Variants in PLXNA1 observed in about 807,000 individuals in gnomAD.
The protein encoded by PLXNA1 is plexin-A1.
Under a neutral mutation model 191.7 loss-of-function variants are expected in PLXNA1, and 77 were observed. That is an observed-to-expected ratio of 0.40 (90% CI 0.33 to 0.49). The LOEUF is 0.49. PLXNA1 is among the 20% of genes least tolerant of loss of function. The pLI, the probability that PLXNA1 is intolerant of heterozygous loss-of-function variation, is 0.63. For synonymous variants in PLXNA1, 1,137 were observed against 1,156.4 expected (o/e 0.98, Z 0.34); for missense variants, 2,110 against 2,660.2 (o/e 0.79, Z 4.55).
Position 127,012,091 on chromosome 3 carries a change from C to T in PLXNA1, c.2246C>T (p.Pro749Leu), listed in dbSNP as rs1258547002. 19 of 1,613,484 alleles carry T rather than the reference C, an allele frequency of 1.2e-5. No individual in the cohort carries two copies. The highest frequency in any genetic ancestry group is 3.3e-5 in the South Asian group (3 of 91,086). The part of the protein sequence containing the change: ...QRGYECLFHI[P>L]GSPARVTALR... ...GGATATGAGTGCCTCTTCCACATCC[C>T]GGGCAGCCCGGCCCGTGTCACCGCC... The change falls in exon 10 of 32, where the codon CCG becomes CTG. Residue 749 changes from proline (P) to leucine (L), a missense_variant. Physicochemically the swap from Pro to Leu is moderately conservative, Grantham distance 98. Coordinates refer to ENST00000393409, the MANE Select transcript of PLXNA1 (RefSeq NM_032242.4).
chr3:127,008,822 C>T (rs148006243), intron 9 of PLXNA1, among the ~76,000 whole-genome samples: 3 of 152,264 alleles, frequency 2.0e-5, no homozygotes, highest in South Asian at 2.1e-4. Context: ...TGGCCCCCAG[C>T]GTCACCCTCT....
chr3:127,007,221 G>T (rs566867210), intron 8 of PLXNA1, among the ~76,000 whole-genome samples: 1 of 152,146 alleles, frequency 6.6e-6, no homozygotes, highest in African/African-American at 2.4e-5. Context: ...AGATGGCAAG[G>T]TGCCAGCCCT....
At chr3:127,021,642 A>T (rs2079152632) in intron 21 of PLXNA1, among the ~76,000 whole-genome samples, 1 of 152,136 alleles carries the variant, frequency 6.6e-6, no homozygotes, top group African/African-American at 2.4e-5. Flanking sequence ...CACTCCTGGT[A>T]CCCAGTGGAT....
chr3:127,008,703 C>T (rs144799806), intron 9 of PLXNA1, among the ~76,000 whole-genome samples: 10 of 152,168 alleles, frequency 6.6e-5, no homozygotes, highest in Non-Finnish European at 5.9e-5. Flanking sequence ...GCCAGGGAGA[C>T]CTTGGAGGCT....
rs1385645160 is a variant in PLXNA1, at chr3:127,014,324, G to T, written c.2553G>T (p.Trp851Cys). The part of the protein sequence containing the change: ...HHCAADTPAS[W>C]MHARHGSSRC... ...GCGCTGCCGACACACCTGCATCGTG[G>T]ATGCACGCGCGTCACGGCAGCAGTC... Residue 851 changes from tryptophan (W) to cysteine (C), a missense_variant, in exon 12 of 32, where the codon TGG becomes TGT. By Grantham distance (215) the Trp-to-Cys change is radical (BLOSUM62 -2). Around this residue, in one of 4 missense-constraint regions of PLXNA1, gnomAD observed 644 missense variants for 714.3 expected, o/e 0.90. Transcript: ENST00000393409. The T allele has an allele frequency of 6.3e-7, 1 of 1,597,528 alleles. No homozygotes were observed. Among genetic ancestry groups the T allele is most frequent in the Admixed American group, 1.7e-5 (1 of 59,360 alleles).
At chr3:127,011,912 C>G (rs369065493) in intron 9 of PLXNA1, 46 bp from the exon 10 acceptor site, 3 of 1,566,272 alleles carry the variant, frequency 1.9e-6, no homozygotes, top group East Asian at 2.3e-5. Context: ...GCACCTTGCT[C>G]ACTGGTCTCC....
chr3:127,006,653 A>G (rs908293384), intron 8 of PLXNA1, among the ~76,000 whole-genome samples: 1 of 152,228 alleles, frequency 6.6e-6, no homozygotes, highest in Middle Eastern at 3.4e-3. Context: ...GCCCCTGGGT[A>G]CCTGCTGCTT....
rs1201771538 is a variant in PLXNA1, at chr3:127,035,138, AC to A, written c.*1122del. ...CCTGGATCTATCTGGGCCATGAGTG[AC>A]GGGCAGTGACCAGAGGGACTGGAGG... is the stretch of plus-strand genomic sequence containing the variant. On this transcript the variant is annotated 3_prime_UTR_variant, in exon 32 of 32. Transcript: ENST00000393409. 1 of 152,198 alleles carries A rather than the reference AC, an allele frequency of 6.6e-6. No individual in the cohort carries two copies. Among genetic ancestry groups the A allele is most frequent in the East Asian group, 1.9e-4 (1 of 5,176 alleles). 9.4% of individuals were successfully genotyped at this position (152,198 alleles called of 1,614,324 possible). A position where few individuals can be genotyped will look rare whatever the true frequency, so the allele number is the denominator to read the frequency against.
chr3:127,028,136 C>T, intron 24 of PLXNA1, 45 bp from the exon 25 acceptor site: 1 of 1,613,050 alleles, frequency 6.2e-7, no homozygotes, highest in Non-Finnish European at 8.5e-7. Flanking sequence ...CCCCACCCCC[C>T]AGTTGTGGGG....
rs1396875238 is a variant in PLXNA1 at position 126,989,617 on chromosome 3, G to T, written c.1024G>T (p.Ala342Ser). ...EDEDVLFTVF[A>S]QGQKNRVKPP... The stretch of plus-strand genomic sequence containing the variant: ...CGAGGACGTGCTGTTCACTGTGTTC[G>T]CCCAGGGCCAGAAGAACCGCGTGAA... The change falls in exon 2 of 32, where the codon GCC becomes TCC. Residue 342 changes from alanine (A) to serine (S), a missense_variant. Around this residue, in one of 4 missense-constraint regions of PLXNA1, gnomAD observed 903 missense variants for 1,015.7 expected, o/e 0.89. Coordinates refer to ENST00000393409, the MANE Select transcript of PLXNA1 (RefSeq NM_032242.4). The T allele has an allele frequency of 6.2e-7, 1 of 1,613,122 alleles. No homozygotes were observed. Among genetic ancestry groups the T allele is most frequent in the Non-Finnish European group, 8.5e-7 (1 of 1,179,996 alleles).
At chr3:127,002,102 G>A (rs924539570) in intron 3 of PLXNA1, among the ~76,000 whole-genome samples, 9 of 152,336 alleles carry the variant, frequency 5.9e-5, no homozygotes, top group African/African-American at 2.2e-4. Flanking sequence ...GGTGCTGGGC[G>A]GCCGTGGCCT....
intron 3 of PLXNA1, among the ~76,000 whole-genome samples, chr3:126,992,067 G>A (rs2078993602): frequency 6.6e-6 from 1 of 152,216 alleles, no homozygotes; most frequent in Non-Finnish European, 1.5e-5. Flanking sequence ...CCTGTCTTTG[G>A]CTGGTGCTTG....
At chr3:127,021,692 C>G (rs1303607851) in intron 21 of PLXNA1, among the ~76,000 whole-genome samples, 1 of 152,172 alleles carries the variant, frequency 6.6e-6, no homozygotes, top group East Asian at 1.9e-4. Context: ...TGCTGCAGGC[C>G]CGCTGCAGGG....
rs184096331 is a variant in PLXNA1, at chr3:126,991,628, G to A, written c.1377+62G>A. 5.4e-3 allele frequency: 7,978 copies of A among 1,465,672 alleles called. 42 individuals are homozygous for A. The highest frequency in any genetic ancestry group is 0.016 in the East Asian group (656 of 41,790). 90.8% of individuals were successfully genotyped at this position (1,465,672 alleles called of 1,614,324 possible). ...GGGGCAGGAACAAAGGCTTGCGGCC[G>A]TCCCAGGTGGCAGGCCCAGTGCTGC... On this transcript the variant is annotated intron_variant, in intron 3 of 31. Coordinates refer to ENST00000393409, the MANE Select transcript of PLXNA1 (RefSeq NM_032242.4).
At chr3:127,028,134 C>A (rs1257614982) in intron 24 of PLXNA1, 47 bp from the exon 25 acceptor site, 2 of 1,613,076 alleles carry the variant, frequency 1.2e-6, no homozygotes, top group Non-Finnish European at 1.7e-6. Flanking sequence ...CCCCCCACCC[C>A]CCAGTTGTGG....
chr3:127,004,233 C>G (rs2079054657), intron 4 of PLXNA1, among the ~76,000 whole-genome samples: 1 of 152,232 alleles, frequency 6.6e-6, no homozygotes, highest in Admixed American at 6.5e-5. Flanking sequence ...GCCTGCCCCT[C>G]TGAGCATTGT....
chr3:127,003,843 C>T (rs2079052862), intron 4 of PLXNA1, among the ~76,000 whole-genome samples: 1 of 152,216 alleles, frequency 6.6e-6, no homozygotes, highest in African/African-American at 2.4e-5. Context: ...CCACTGAGTC[C>T]TCAGGCCTAG....
chr3:126,988,666 T>C lies in PLXNA1; in HGVS notation c.73T>C (p.Trp25Arg). 6.3e-7 allele frequency: 1 copy of C among 1,579,426 alleles called. No homozygotes were observed. Among genetic ancestry groups the C allele is most frequent in the Non-Finnish European group, 8.6e-7 (1 of 1,162,016 alleles). ...GTTGCTGCTGCTGCTGCCGGGCATG[T>C]GGGCTGAGGCAGGCTTGCCCAGGGC... ...LLLLLLLPGM[W>R]AEAGLPRAGG... Residue 25 changes from tryptophan to arginine, a missense_variant, in exon 2 of 32, where the codon TGG becomes CGG. Trp to Arg is a moderately radical substitution (Grantham distance 101). Coordinates refer to ENST00000393409, the MANE Select transcript of PLXNA1 (RefSeq NM_032242.4).
At chr3:127,005,036 G>C in intron 6 of PLXNA1, 28 bp downstream of exon 6, 3 of 1,609,582 alleles carry the variant, frequency 1.9e-6, no homozygotes, top group African/African-American at 1.3e-5. Context: ...GGTGGTAAGG[G>C]GTGGGGGACA....
Sources: allele counts gnomAD v4.1 joint callset (sites outside exome capture counted in the v4.1 genomes callset), GRCh38; gene constraint gnomAD v4.1.1; regional missense constraint gnomAD v4.1.1; transcripts MANE v1.5; gene names NCBI Gene and HGNC (gene_info 2026-07-23, HGNC 2026-07-21).